Variants in CDC14A observed in about 807,000 individuals in gnomAD.
CDC14A encodes the protein dual specificity protein phosphatase CDC14A.
CDC14A carries 53 observed loss-of-function variants against 74.4 expected under a neutral mutation model. The observed-to-expected ratio is 0.71, with a 90% CI of 0.57 to 0.89. The LOEUF (loss-of-function observed/expected upper bound fraction) is 0.89. Among genes scored for constraint, CDC14A ranks in the 40% least tolerant of loss-of-function variants. CDC14A has a pLI of 0.00. For missense variants in CDC14A, 646 were observed against 713.7 expected, an observed-to-expected ratio of 0.91 and a Z score of 1.08; for synonymous variants, 247 against 258.4, an observed-to-expected ratio of 0.96 and a Z score of 0.43.
chr1:100,485,071 G>GT, intron 11 of CDC14A: 1 of 985,332 alleles, frequency 1.0e-6, no homozygotes, highest in Non-Finnish European at 1.2e-6. Context: ...CCAAGCTTGT[G>GT]TTTTTTTATA....
chr1:100,410,862 T>C (rs548910520), intron 4 of CDC14A, among the ~76,000 whole-genome samples: 3 of 152,324 alleles, frequency 2.0e-5, no homozygotes, highest in African/African-American at 4.8e-5. Context: ...TCTCTCCTGC[T>C]CCTTTTTATT....
chr1:100,439,211 G>A (rs1169134469), intron 5 of CDC14A, among the ~76,000 whole-genome samples: 2 of 152,152 alleles, frequency 1.3e-5, no homozygotes, highest in African/African-American at 4.8e-5. Flanking sequence ...AGAAGCTCTC[G>A]TGGCTCCCAG....
intron 15 of CDC14A, among the ~76,000 whole-genome samples, chr1:100,501,060 A>G (rs1277164219): frequency 2.0e-5 from 3 of 152,110 alleles, no homozygotes; most frequent in South Asian, 2.1e-4. Context: ...GTCCCAGGAA[A>G]TTGCCAGCCC....
intron 15 of CDC14A, among the ~76,000 whole-genome samples, chr1:100,513,473 A>C (rs1308122095): frequency 1.3e-5 from 2 of 152,172 alleles, no homozygotes. Context: ...GTCCATGAAC[A>C]TTTTGAATCA....
intron 4 of CDC14A, among the ~76,000 whole-genome samples, chr1:100,423,431 T>G (rs1201166062): frequency 5.9e-5 from 9 of 152,216 alleles, no homozygotes. Context: ...GTTTATTTAC[T>G]TTTCAGCATT....
At position 100,412,728 on chromosome 1, in the gene CDC14A, T is replaced by TATAAA. The variant is rs1557732386; in HGVS notation, c.310-11491_310-11490insAAATA. On this transcript the variant is annotated intron_variant, in intron 4 of 15. Coordinates refer to ENST00000336454, the MANE Select transcript of CDC14A (RefSeq NM_003672.4). ...TATATATATATATATATATATTTTA[T>TATAAA]ATATATATATTTTATATATATATAT... 3.0e-4 allele frequency among the ~76,000 whole-genome samples: 29 copies of TATAAA among 98,206 alleles called. 1 individual carries two copies. Among genetic ancestry groups the TATAAA allele is most frequent in the East Asian group, 7.0e-4 (3 of 4,316 alleles). The allele number at this position is 98,206 out of a possible 152,430, so 64.4% of individuals were successfully genotyped here. A position where few individuals can be genotyped will look rare whatever the true frequency, so the allele number is the denominator to read the frequency against.
At chr1:100,422,115 T>A (rs1662429871) in intron 4 of CDC14A, among the ~76,000 whole-genome samples, 1 of 152,136 alleles carries the variant, frequency 6.6e-6, no homozygotes, top group Admixed American at 6.5e-5. Flanking sequence ...CACTTATTAA[T>A]AATTGAGCAC....
At chr1:100,392,115 G>A (rs1657795886) in intron 4 of CDC14A, among the ~76,000 whole-genome samples, 1 of 152,128 alleles carries the variant, frequency 6.6e-6, no homozygotes, top group South Asian at 2.1e-4. Flanking sequence ...TTTCCTTTCA[G>A]TTCTTAGGAT....
At chr1:100,412,739 T>TTTATATATATATA (rs1660992978) in intron 4 of CDC14A, among the ~76,000 whole-genome samples, 3 of 93,840 alleles carry the variant, frequency 3.2e-5, no homozygotes, top group African/African-American at 2.2e-4. Context: ...ATATATATAT[T>TTTATATATATATA]TTATATATAT....
At chr1:100,469,690 A>G (rs1668198159) in intron 10 of CDC14A, among the ~76,000 whole-genome samples, 1 of 152,194 alleles carries the variant, frequency 6.6e-6, no homozygotes, top group African/African-American at 2.4e-5. Context: ...AGGTATTGCT[A>G]TACCTATTGC....
chr1:100,432,039 A>G (rs1663750479), intron 5 of CDC14A, among the ~76,000 whole-genome samples: 1 of 152,124 alleles, frequency 6.6e-6, no homozygotes, highest in South Asian at 2.1e-4. Flanking sequence ...GTTTCTTTAG[A>G]TGAGTAAAAT....
rs754033815 is a variant in CDC14A at position 100,499,194 on chromosome 1, A to C, written c.1687A>C (p.Thr563Pro). 11 of 1,613,962 alleles carry C rather than the reference A, an allele frequency of 6.8e-6. No homozygotes were observed. The highest frequency in any genetic ancestry group is 1.6e-4 in the Middle Eastern group (1 of 6,082). ...PHSAKTEEHT[T>P]ILRPSYTGLS... ...CAGCGCCAAGACAGAGGAGCACACCACCATCCTCCGACCCTCCTACACCGG... is the reference window on the plus strand; with the variant it reads ...CAGCGCCAAGACAGAGGAGCACACCCCCATCCTCCGACCCTCCTACACCGG... The change falls in exon 15 of 16, where the codon ACC becomes CCC. Residue 563 changes from threonine (T) to proline (P), a missense_variant. Coordinates refer to ENST00000336454, the MANE Select transcript of CDC14A (RefSeq NM_003672.4).
At chr1:100,356,588 G>T (rs1462206171) in intron 2 of CDC14A, among the ~76,000 whole-genome samples, 1 of 152,216 alleles carries the variant, frequency 6.6e-6, no homozygotes, top group African/African-American at 2.4e-5. Flanking sequence ...AGGCATAGTG[G>T]CTCACGCCTG....
chr1:100,477,256 A>G (rs1423309521), intron 10 of CDC14A, among the ~76,000 whole-genome samples: 2 of 152,268 alleles, frequency 1.3e-5, no homozygotes, highest in Admixed American at 1.3e-4. Context: ...AAATTAATAC[A>G]TCTGCTTTGT....
chr1:100,479,019 T>G (rs1205948449), intron 10 of CDC14A, among the ~76,000 whole-genome samples: 1 of 152,188 alleles, frequency 6.6e-6, no homozygotes, highest in Non-Finnish European at 1.5e-5. Flanking sequence ...CAAGGGTGTT[T>G]GGCTCATCCT....
chr1:100,387,014 G>GT (rs59885122), intron 3 of CDC14A, among the ~76,000 whole-genome samples: 14,541 of 145,762 alleles, frequency 0.1, 2,302 homozygotes, highest in African/African-American at 0.34. Flanking sequence ...ACATTAAAGA[G>GT]TTTTTTTTTT....
chr1:100,396,465 G>A (rs1235258815), intron 4 of CDC14A, among the ~76,000 whole-genome samples: 1 of 152,172 alleles, frequency 6.6e-6, no homozygotes, highest in Non-Finnish European at 1.5e-5. Context: ...GGTAATATAT[G>A]GGAAACTCCT....
At chr1:100,484,499 AT>A in intron 11 of CDC14A, 48 bp downstream of exon 11, 1 of 1,545,088 alleles carries the variant, frequency 6.5e-7, no homozygotes, top group Non-Finnish European at 8.7e-7. Flanking sequence ...GATGTTCTGC[AT>A]TTGTTTCTCA....
At chr1:100,364,033 G>T (rs1653181947) in intron 2 of CDC14A, among the ~76,000 whole-genome samples, 1 of 152,036 alleles carries the variant, frequency 6.6e-6, no homozygotes, top group Non-Finnish European at 1.5e-5. Flanking sequence ...GGAGGCTGAG[G>T]TGGGAGGATC....
Sources: allele counts gnomAD v4.1 joint callset (sites outside exome capture counted in the v4.1 genomes callset), GRCh38; gene constraint gnomAD v4.1.1; transcripts MANE v1.5; gene names NCBI Gene and HGNC (gene_info 2026-07-23, HGNC 2026-07-21).